Variants in KLHL30 observed in about 807,000 individuals in gnomAD.
KLHL30 encodes kelch like family member 30, also known as kelch-like protein 30.
KLHL30 carries 55 observed loss-of-function variants against 55.0 expected under a neutral mutation model. The observed-to-expected ratio is 1.00, with a 90% CI of 0.80 to 1.25. KLHL30 has a LOEUF of 1.25. Ranked by LOEUF, KLHL30 falls within the 50% of genes most tolerant of loss-of-function variation. KLHL30 has a pLI of 0.00. For missense variants in KLHL30, 786 were observed against 811.6 expected (o/e 0.97, Z 0.38); for synonymous variants, 356 against 372.6 (o/e 0.96, Z 0.51).
At chr2:238,145,642 G>A (rs1692633287) in intron 4 of KLHL30, 35 bp from the exon 5 acceptor site, 2 of 1,557,784 alleles carry the variant, frequency 1.3e-6, no homozygotes, top group East Asian at 4.8e-5. Context: ...GCCCCAGGCT[G>A]GTGGCACCCA....
Position 238,140,748 on chromosome 2 carries a change from C to G in KLHL30, c.-7C>G, listed in dbSNP as rs192668729. On this transcript the variant is annotated 5_prime_UTR_variant, in exon 2 of 8. Coordinates refer to ENST00000409223, the MANE Select transcript of KLHL30 (RefSeq NM_198582.4). Reference sequence around the variant, plus strand: ...GTGGACTACTGAGGTCCCCTGGGCACGGCGTCATGGTGCGGAACGTGGATG... The same window carrying G: ...GTGGACTACTGAGGTCCCCTGGGCAGGGCGTCATGGTGCGGAACGTGGATG... 1.5e-5 allele frequency: 23 copies of G among 1,495,804 alleles called. No homozygotes were observed. The highest frequency in any genetic ancestry group is 2.0e-5 in the Non-Finnish European group (22 of 1,114,950). The allele number at this position is 1,495,804 out of a possible 1,614,324, so 92.7% of individuals were successfully genotyped here.
chr2:238,152,313 T>C lies in KLHL30; in HGVS notation c.*1248T>C, dbSNP rs1338744672. On this transcript the variant is annotated 3_prime_UTR_variant, in exon 8 of 8. Coordinates refer to ENST00000409223, the MANE Select transcript of KLHL30 (RefSeq NM_198582.4). ...ACGGAAACCCCTGAGCCTCTTGAGC[T>C]TCTGTAGGTAGGGATCTGCTTTGCT... The C allele has an allele frequency of 1.5e-6, 1 of 681,850 alleles. No homozygotes were observed. The highest frequency in any genetic ancestry group is 2.0e-5 in the African/African-American group (1 of 51,160). The allele number at this position is 681,850 out of a possible 1,614,324, so 42.2% of individuals were successfully genotyped here. A position where few individuals can be genotyped will look rare whatever the true frequency, so the allele number is the denominator to read the frequency against.
Position 238,152,024 on chromosome 2 carries a change from T to G in KLHL30, c.*959T>G. The G allele has an allele frequency of 3.0e-6, 3 of 985,498 alleles. No homozygotes were observed. Among genetic ancestry groups the G allele is most frequent in the Non-Finnish European group, 3.6e-6 (3 of 829,972 alleles). The allele number at this position is 985,498 out of a possible 1,614,324, so 61.0% of individuals were successfully genotyped here. A position where few individuals can be genotyped will look rare whatever the true frequency, so the allele number is the denominator to read the frequency against. ...TCATCCTGAATGAGGCACCCACCTT[T>G]GCAGCTAAGGAGACAATGAAGGACT... On this transcript the variant is annotated 3_prime_UTR_variant, in exon 8 of 8. Transcript: ENST00000409223.
In KLHL30 at chr2:238,141,318, G is replaced by A. The variant is rs1298614900; in HGVS notation, c.564G>A (p.Leu188=). Residue 188 remains leucine, a synonymous_variant, in exon 2 of 8, where the codon CTG becomes CTA. Coordinates refer to ENST00000409223, the MANE Select transcript of KLHL30 (RefSeq NM_198582.4). ...RLVTCLAGDL[L]QVQPEQSRLE... is the part of the protein sequence containing the mutation. Reference sequence around the variant, plus strand: ...TCACTTGTCTGGCCGGCGACCTGCTGCAGGTACAGCCGGAGCAAAGCCGAC... The same window carrying A: ...TCACTTGTCTGGCCGGCGACCTGCTACAGGTACAGCCGGAGCAAAGCCGAC... 1.9e-6 allele frequency: 3 copies of A among 1,597,088 alleles called. No individual in the cohort carries two copies. Among genetic ancestry groups the A allele is most frequent in the East Asian group, 2.2e-5 (1 of 44,684 alleles).
chr2:238,146,278 G>A (rs1186221102), intron 5 of KLHL30, among the ~76,000 whole-genome samples: 1 of 151,650 alleles, frequency 6.6e-6, no homozygotes, highest in Admixed American at 6.6e-5. Flanking sequence ...ACTTGGCAGG[G>A]CCAAGGCAGG....
chr2:238,144,888 T>C lies in KLHL30; in HGVS notation c.908-14T>C. 1 of 1,600,604 alleles carries C rather than the reference T, an allele frequency of 6.2e-7. No homozygotes were observed. Among genetic ancestry groups the C allele is most frequent in the Non-Finnish European group, 8.5e-7 (1 of 1,172,262 alleles). On this transcript the variant is annotated splice_polypyrimidine_tract_variant and intron_variant, in intron 3 of 7. Transcript: ENST00000409223. Reference sequence around the variant, plus strand: ...CCTGGCAGCCTGACCCTTCTGCCTCTCTCTTCCTGCCAGAGAGGTGGATGG... The same window carrying C: ...CCTGGCAGCCTGACCCTTCTGCCTCCCTCTTCCTGCCAGAGAGGTGGATGG...
rs193110008 is a variant in KLHL30, at chr2:238,151,579, C to T, written c.*514C>T. On this transcript the variant is annotated 3_prime_UTR_variant, in exon 8 of 8. Coordinates refer to ENST00000409223, the MANE Select transcript of KLHL30 (RefSeq NM_198582.4). The stretch of plus-strand genomic sequence containing the variant: ...CGGCAGCGTAACTGTGGCCAGCCAC[C>T]TCCCCTCTCTGGGCTTCAAGCTCCG... The T allele has an allele frequency of 1.6e-4, 26 of 162,004 alleles. No individual in the cohort carries two copies. Among genetic ancestry groups the T allele is most frequent in the Non-Finnish European group, 3.0e-4 (22 of 74,106 alleles). The allele number at this position is 162,004 out of a possible 1,614,324, so 10.0% of individuals were successfully genotyped here.
intron 2 of KLHL30, among the ~76,000 whole-genome samples, chr2:238,142,311 T>C (rs1007248223): frequency 2.6e-5 from 4 of 152,224 alleles, no homozygotes; most frequent in African/African-American, 9.6e-5. Context: ...CCCGGCCTCC[T>C]GCTGGAGCTG....
rs1574758626 is a variant in KLHL30, at chr2:238,145,658, A to C, written c.995-19A>C. On this transcript the variant is annotated intron_variant, in intron 4 of 7. Transcript: ENST00000409223. ...CCCCAGGCTGGTGGCACCCATGTAG[A>C]CAGAACTTCTCCCGGCAGGTGGCTC... is the stretch of plus-strand genomic sequence containing the variant. The C allele has an allele frequency of 3.2e-6, 5 of 1,565,976 alleles. No homozygotes were observed.
chr2:238,143,798 G>A (rs1692584058), intron 3 of KLHL30, among the ~76,000 whole-genome samples: 1 of 152,252 alleles, frequency 6.6e-6, no homozygotes, highest in Admixed American at 6.5e-5. Flanking sequence ...ACGCTGGCAG[G>A]AAGAGCCTGT....
At position 238,142,910 on chromosome 2, in the gene KLHL30, G is replaced by A. The variant is rs778622350; in HGVS notation, c.886G>A (p.Ala296Thr). The A allele has an allele frequency of 6.0e-6, 9 of 1,505,230 alleles. No homozygotes were observed. Among genetic ancestry groups the A allele is most frequent in the East Asian group, 2.7e-5 (1 of 36,994 alleles). The allele number at this position is 1,505,230 out of a possible 1,614,324, so 93.2% of individuals were successfully genotyped here. ...EEPTPGLGNF[A>T]FYNSKAKRWM... ...GCCCACCCCCGGCCTTGGGAACTTT[G>A]CCTTCTACAACAGCAAGGCCAGTGA... is the stretch of plus-strand genomic sequence containing the variant. The change falls in exon 3 of 8, where the codon GCC becomes ACC. Residue 296 changes from alanine (A) to threonine (T), a missense_variant. Coordinates refer to ENST00000409223, the MANE Select transcript of KLHL30 (RefSeq NM_198582.4).
In KLHL30 at chr2:238,152,855, G is replaced by A. The variant is rs1395813028; in HGVS notation, c.*1790G>A. On this transcript the variant is annotated 3_prime_UTR_variant, in exon 8 of 8. Transcript: ENST00000409223. ...CAGTGATGGAAGGAGGTCAGCCAAAGGGCTGTTTAAAAACAAAGCCTCCAT... is the reference window on the plus strand; with the variant it reads ...CAGTGATGGAAGGAGGTCAGCCAAAAGGCTGTTTAAAAACAAAGCCTCCAT... The A allele has an allele frequency of 7.2e-5, 11 of 152,188 alleles. No individual in the cohort carries two copies. Among genetic ancestry groups the A allele is most frequent in the Admixed American group, 4.6e-4 (7 of 15,276 alleles). 9.4% of individuals were successfully genotyped at this position (152,188 alleles called of 1,614,324 possible). A position where few individuals can be genotyped will look rare whatever the true frequency, so the allele number is the denominator to read the frequency against.
At chr2:238,145,384 G>A (rs1692628799) in intron 4 of KLHL30, among the ~76,000 whole-genome samples, 1 of 152,122 alleles carries the variant, frequency 6.6e-6, no homozygotes, top group African/African-American at 2.4e-5. Flanking sequence ...GTGTTGCAGG[G>A]GTCACTTTGC....
At position 238,152,678 on chromosome 2, in the gene KLHL30, CCAGA is replaced by C. The variant is rs1485863331; in HGVS notation, c.*1618_*1621del. The stretch of plus-strand genomic sequence containing the variant: ...GGAGAAGTGAGTTGACCCTGGAGGG[CCAGA>C]CAGAGTGGGGCCTCTGGGTGCTACC... On this transcript the variant is annotated 3_prime_UTR_variant, in exon 8 of 8. Coordinates refer to ENST00000409223, the MANE Select transcript of KLHL30 (RefSeq NM_198582.4). 1 of 152,136 alleles carries C rather than the reference CCAGA, an allele frequency of 6.6e-6. No homozygotes were observed. Among genetic ancestry groups the C allele is most frequent in the African/African-American group, 2.4e-5 (1 of 41,406 alleles). The allele number at this position is 152,136 out of a possible 1,614,324, so 9.4% of individuals were successfully genotyped here.
rs1274187773 is a variant in KLHL30 at position 238,144,939 on chromosome 2, C to T, written c.945C>T (p.His315=). 1 of 1,611,596 alleles carries T rather than the reference C, an allele frequency of 6.2e-7. No individual in the cohort carries two copies. Among genetic ancestry groups the T allele is most frequent in the Admixed American group, 1.7e-5 (1 of 59,786 alleles). ...CACTTCCAGACTTCCCCGACTATCA[C>T]AAGTGGGGTTTCTCCCTGGCGGCCC... ...WMALPDFPDY[H]KWGFSLAALN... The change falls in exon 4 of 8, where the codon CAC becomes CAT. Residue 315 remains histidine (H), a synonymous_variant. Coordinates refer to ENST00000409223, the MANE Select transcript of KLHL30 (RefSeq NM_198582.4).
chr2:238,150,003 A>G (rs1306329468), intron 7 of KLHL30, among the ~76,000 whole-genome samples: 1 of 152,134 alleles, frequency 6.6e-6, no homozygotes, highest in Non-Finnish European at 1.5e-5. Context: ...TGGTGACAGC[A>G]GGACTTCTGC....
At position 238,145,692 on chromosome 2, in the gene KLHL30, C is replaced by G. The variant is rs1269768146; in HGVS notation, c.1010C>G (p.Thr337Arg). The G allele has an allele frequency of 6.3e-7, 1 of 1,581,810 alleles. No homozygotes were observed. Among genetic ancestry groups the G allele is most frequent in the Non-Finnish European group, 8.6e-7 (1 of 1,165,832 alleles). ...NIYVTGGSRG[T>R]KTDTWSTTQA... is the part of the protein sequence containing the mutation. ...CTCCCGGCAGGTGGCTCTCGGGGCA[C>G]AAAGACAGACACCTGGTCAACCACC... The change falls in exon 5 of 8, where the codon ACA becomes AGA. Residue 337 changes from threonine to arginine, a missense_variant. Physicochemically the swap from Thr to Arg is moderately conservative, Grantham distance 71. Coordinates refer to ENST00000409223, the MANE Select transcript of KLHL30 (RefSeq NM_198582.4).
intron 3 of KLHL30, among the ~76,000 whole-genome samples, chr2:238,143,486 A>G (rs1193926775): frequency 6.6e-6 from 1 of 152,218 alleles, no homozygotes; most frequent in East Asian, 1.9e-4. Context: ...ACACAGTTGT[A>G]GGGAGCCCTG....
At chr2:238,139,960 T>C (rs2106309955) in intron 1 of KLHL30, among the ~76,000 whole-genome samples, 1 of 152,346 alleles carries the variant, frequency 6.6e-6, no homozygotes, top group Middle Eastern at 3.4e-3. Context: ...CGCGAAACCC[T>C]CCAGAACGCT....
Sources: allele counts gnomAD v4.1 joint callset (sites outside exome capture counted in the v4.1 genomes callset), GRCh38; gene constraint gnomAD v4.1.1; transcripts MANE v1.5; gene names NCBI Gene and HGNC (gene_info 2026-07-23, HGNC 2026-07-21).